Variants in MEGF10 observed in about 807,000 individuals in gnomAD.
MEGF10 encodes multiple epidermal growth factor-like domains protein 10.
A neutral mutation model predicts 147.5 loss-of-function variants in MEGF10; 86 were observed. That is an observed-to-expected ratio of 0.58 (90% CI 0.49 to 0.70). The LOEUF (loss-of-function observed/expected upper bound fraction) is 0.70. Among genes scored for constraint, MEGF10 ranks in the 30% least tolerant of loss-of-function variants. The pLI, the probability that MEGF10 is intolerant of heterozygous loss-of-function variation, is 0.00. For synonymous variants in MEGF10, 478 were observed against 525.5 expected (o/e 0.91, Z 1.24); for missense variants, 1,329 against 1,487.3 (o/e 0.89, Z 1.75).
In MEGF10 at chr5:127,457,219, T is replaced by C; in HGVS notation, c.3324T>C (p.Pro1108=). 6.2e-7 allele frequency: 1 copy of C among 1,614,178 alleles called. No individual in the cohort carries two copies. The change falls in exon 25 of 25, where the codon CCT becomes CCC. Residue 1108 remains proline, a synonymous_variant. Coordinates refer to ENST00000503335, the MANE Select transcript of MEGF10 (RefSeq NM_001256545.2). ...ACCTCCCAAAGAACAGTCACATCCCTTGTCATTATGACCTGCTGCCAGTCC... is the reference window on the plus strand; with the variant it reads ...ACCTCCCAAAGAACAGTCACATCCCCTGTCATTATGACCTGCTGCCAGTCC... The part of the protein sequence containing the change: ...PYDLPKNSHI[P]CHYDLLPVRD...
intron 12 of MEGF10, among the ~76,000 whole-genome samples, chr5:127,421,500 G>A (rs1765002712): frequency 6.6e-6 from 1 of 152,124 alleles, no homozygotes; most frequent in South Asian, 2.1e-4. Flanking sequence ...TCATTTCCCA[G>A]GATCTGTGGT....
intron 1 of MEGF10, among the ~76,000 whole-genome samples, chr5:127,323,866 C>T (rs917807168): frequency 2.2e-4 from 34 of 152,174 alleles, no homozygotes; most frequent in Non-Finnish European, 3.5e-4. Context: ...CAGCTGTTAG[C>T]AGGAGGCCTC....
chr5:127,377,070 G>A (rs552333690), intron 5 of MEGF10, among the ~76,000 whole-genome samples: 160 of 152,234 alleles, frequency 1.1e-3, no homozygotes, highest in Non-Finnish European at 1.9e-3. Context: ...AATTCATAAT[G>A]GCACCCATCT....
At chr5:127,321,792 G>C (rs569147019) in intron 1 of MEGF10, among the ~76,000 whole-genome samples, 1 of 152,228 alleles carries the variant, frequency 6.6e-6, no homozygotes, top group South Asian at 2.1e-4. Flanking sequence ...CTTCCCGAGA[G>C]AGGGACCTTG....
the MEGF10 span, among the ~76,000 whole-genome samples, chr5:127,249,717 C>A: frequency 3.3e-5 from 5 of 152,028 alleles, no homozygotes; most frequent in African/African-American, 9.7e-5. Context: ...GTGGCTTATT[C>A]TGTTTTGTGC....
In MEGF10 at chr5:127,445,644, T is replaced by A; in HGVS notation, c.2679T>A (p.Val893=). 1 of 1,614,118 alleles carries A rather than the reference T, an allele frequency of 6.2e-7. No individual in the cohort carries two copies. Among genetic ancestry groups the A allele is most frequent in the Non-Finnish European group, 8.5e-7 (1 of 1,180,022 alleles). The change falls in exon 20 of 25, where the codon GTT becomes GTA. Residue 893 remains valine (V), a synonymous_variant. Transcript: ENST00000503335. ...GAAAGGAATCAAGCATGCCAGCAGT[T>A]ACCTACACCCCTGCTATGAGGGTCG... is the stretch of plus-strand genomic sequence containing the variant. ...QKGKESSMPA[V]TYTPAMRVVN...
intron 5 of MEGF10, 70 bp downstream of exon 5, chr5:127,370,072 C>A: frequency 8.5e-7 from 1 of 1,177,314 alleles, no homozygotes; most frequent in Non-Finnish European, 1.3e-6. Flanking sequence ...CTGCAGATGA[C>A]CCTGAGCCAT....
chr5:127,249,337 C>T, the MEGF10 span, among the ~76,000 whole-genome samples: 1 of 150,726 alleles, frequency 6.6e-6, no homozygotes, highest in Non-Finnish European at 1.5e-5. Flanking sequence ...CTAATACATA[C>T]ACACAGAGAG....
intron 1 of MEGF10, among the ~76,000 whole-genome samples, chr5:127,318,099 C>T (rs555352287): frequency 1.3e-5 from 2 of 152,172 alleles, no homozygotes; most frequent in South Asian, 4.2e-4. Context: ...GATTAGTGCC[C>T]TTATAAAAGA....
the MEGF10 span, among the ~76,000 whole-genome samples, chr5:127,263,736 A>G: frequency 6.6e-6 from 1 of 152,144 alleles, no homozygotes; most frequent in Non-Finnish European, 1.5e-5. Context: ...TAGGCTAAGT[A>G]ATCCTGTAAA....
Position 127,401,664 on chromosome 5 carries a change from GT to G in MEGF10, c.781-879del, listed in dbSNP as rs538103396. On this transcript the variant is annotated intron_variant, in intron 7 of 24. Coordinates refer to ENST00000503335, the MANE Select transcript of MEGF10 (RefSeq NM_001256545.2). ...AAATCCCTGTTATTTGGGATATGTT[GT>G]TTGTCTAATTATAACTCCAATAAAT... 9.2e-5 allele frequency among the ~76,000 whole-genome samples: 14 copies of G among 152,298 alleles called. 2 individuals are homozygous for G. In the South Asian group the frequency reaches 2.5e-3, roughly 27 times the overall value.
chr5:127,347,632 T>C (rs1449185970), intron 4 of MEGF10, among the ~76,000 whole-genome samples: 1 of 152,124 alleles, frequency 6.6e-6, no homozygotes, highest in African/African-American at 2.4e-5. Context: ...ATCATTTGAC[T>C]GTAAATTCAA....
intron 10 of MEGF10, among the ~76,000 whole-genome samples, chr5:127,418,523 C>G (rs1764862296): frequency 6.6e-6 from 1 of 152,200 alleles, no homozygotes; most frequent in Non-Finnish European, 1.5e-5. Context: ...TATGTCATAA[C>G]CCTTTGGTTC....
intron 1 of MEGF10, among the ~76,000 whole-genome samples, chr5:127,291,620 G>A (rs1000720742): frequency 9.2e-5 from 14 of 152,156 alleles, no homozygotes; most frequent in African/African-American, 2.9e-4. Flanking sequence ...GACCAAAGGG[G>A]CCTTGTCAGT....
At chr5:127,399,652 A>G (rs1420061033) in intron 7 of MEGF10, among the ~76,000 whole-genome samples, 1 of 152,152 alleles carries the variant, frequency 6.6e-6, no homozygotes. Flanking sequence ...GTTCTCATTC[A>G]GCTTCATTTC....
intron 5 of MEGF10, among the ~76,000 whole-genome samples, chr5:127,380,517 C>A (rs1007111910): frequency 6.9e-6 from 1 of 145,800 alleles, no homozygotes; most frequent in Non-Finnish European, 1.5e-5. Flanking sequence ...TTTTTTCTTT[C>A]CTTTTCTTTT....
At chr5:127,407,508 C>T (rs1278697957) in intron 8 of MEGF10, among the ~76,000 whole-genome samples, 7 of 152,154 alleles carry the variant, frequency 4.6e-5, no homozygotes, top group Non-Finnish European at 2.9e-5. Context: ...TAATGCTTAT[C>T]CATTCTTACC....
chr5:127,386,687 A>G (rs981807108), intron 5 of MEGF10, among the ~76,000 whole-genome samples: 1 of 152,182 alleles, frequency 6.6e-6, no homozygotes, highest in Admixed American at 6.5e-5. Flanking sequence ...GAAATTTTAC[A>G]TTGTGAGAAC....
rs555522097 is a variant in MEGF10 at position 127,304,191 on chromosome 5, T to C, written c.-19+13135T>C. Among the ~76,000 whole-genome samples the C allele has an allele frequency of 3.3e-5, 5 of 152,320 alleles. No homozygotes were observed. The East Asian group carries it at 9.7e-4, about 29-fold the overall frequency. On this transcript the variant is annotated intron_variant, in intron 1 of 24. Coordinates refer to ENST00000503335, the MANE Select transcript of MEGF10 (RefSeq NM_001256545.2). ...TAATTCAGGCAAGCTGCAAAATTCT[T>C]CTTTCCAACAGACCACAGTTCTGGT...
Sources: gnomAD v4.1 joint callset for allele counts (sites outside exome capture counted in the v4.1 genomes callset) on GRCh38, gnomAD v4.1.1 for gene constraint, MANE v1.5 for transcripts, NCBI Gene and HGNC (gene_info 2026-07-23, HGNC 2026-07-21) for gene names.